DNAH12: variants seen among roughly 807,000 people sequenced by gnomAD.
The protein encoded by DNAH12 is axonemal beta dynein heavy chain 12.
DNAH12 carries 285 observed loss-of-function variants against 371.5 expected under a neutral mutation model. That is an observed-to-expected ratio of 0.77 (90% CI 0.70 to 0.85). The LOEUF (loss-of-function observed/expected upper bound fraction) is 0.85, where lower values mean the gene tolerates loss of function less well. DNAH12 is among the 40% of genes least tolerant of loss of function. The pLI is 0.00. For missense variants in DNAH12, 3,611 were observed against 3,689.4 expected, an observed-to-expected ratio of 0.98 and a Z score of 0.55; for synonymous variants, 1,200 against 1,213.0, an observed-to-expected ratio of 0.99 and a Z score of 0.22.
At chr3:57,506,572 G>T (rs779501225) in intron 8 of DNAH12, among the ~76,000 whole-genome samples, 3 of 152,094 alleles carry the variant, frequency 2.0e-5, no homozygotes, top group Middle Eastern at 3.2e-3. Context: ...CTCCTGAGTG[G>T]CTGAGATTAC....
At chr3:57,480,917 T>C (rs1280468404) in intron 13 of DNAH12, among the ~76,000 whole-genome samples, 1 of 152,122 alleles carries the variant, frequency 6.6e-6, no homozygotes, top group African/African-American at 2.4e-5. Context: ...ATGGGACGTA[T>C]CTCAAAATAA....
Position 57,314,494 on chromosome 3 carries a change from CT to C in DNAH12, c.10661del (p.Gln3554ArgfsTer18). ...AATGTTAATTTCTTGTTAATTTTAC[CT>C]GCAGTTGTCGGATACTGATGCGCAA... Reference protein sequence around the residue: ...SDLRISIRQLQLFINEYDTIP... With the variant: ...SDLRISIRQLXLFINEYDTIP... On this transcript the variant is annotated frameshift_variant and splice_region_variant, in exon 66 of 74. Coordinates refer to ENST00000495027, the MANE Select transcript of DNAH12 (RefSeq NM_001366028.2). LOFTEE classifies it high-confidence loss of function. The C allele has an allele frequency of 1.3e-6, 2 of 1,550,724 alleles. No individual in the cohort carries two copies. The highest frequency in any genetic ancestry group is 1.7e-6 in the Non-Finnish European group (2 of 1,146,748).
chr3:57,400,621 T>C lies in DNAH12; in HGVS notation c.6948+2688A>G, dbSNP rs1021114317. ...AATAAAGAGAACAATTATTACAACATACTGTAATAAAAGTTATGTGAATGT... is the reference window on the plus strand; with the variant it reads ...AATAAAGAGAACAATTATTACAACACACTGTAATAAAAGTTATGTGAATGT... On this transcript the variant is annotated intron_variant, in intron 43 of 73. Transcript: ENST00000495027. Among the ~76,000 whole-genome samples, 1,237 of 152,272 alleles carry C rather than the reference T, an allele frequency of 8.1e-3. 12 individuals carry two copies. The highest frequency in any genetic ancestry group is 0.028 in the African/African-American group (1,154 of 41,554).
chr3:57,322,415 A>G lies in DNAH12; in HGVS notation c.10452T>C (p.Asn3484=). ...TNEPPTGLRL[N]LLQSYLTDPV... is the part of the protein sequence containing the mutation. Reference sequence around the variant, plus strand: ...GATCAGTGAGATATGATTGAAGGAGATTCAGCCGAAGACCCGTGGGAGGTT... The same window carrying G: ...GATCAGTGAGATATGATTGAAGGAGGTTCAGCCGAAGACCCGTGGGAGGTT... The change falls in exon 65 of 74, where the codon AAT becomes AAC. Residue 3484 remains asparagine, a synonymous_variant. Transcript: ENST00000495027. 1 of 1,552,166 alleles carries G rather than the reference A, an allele frequency of 6.4e-7. No individual in the cohort carries two copies. Among genetic ancestry groups the G allele is most frequent in the Non-Finnish European group, 8.7e-7 (1 of 1,147,092 alleles).
intron 2 of DNAH12, among the ~76,000 whole-genome samples, chr3:57,533,461 T>TCAGA (rs992264351): frequency 2.0e-5 from 3 of 151,694 alleles, no homozygotes; most frequent in Non-Finnish European, 4.4e-5. Context: ...CTGGATAATT[T>TCAGA]CAGACAAGCC....
At chr3:57,399,075 A>C (rs940841329) in intron 43 of DNAH12, among the ~76,000 whole-genome samples, 1 of 152,236 alleles carries the variant, frequency 6.6e-6, no homozygotes, top group Non-Finnish European at 1.5e-5. Context: ...TTTGTATGCA[A>C]CTGAAGTTAG....
chr3:57,470,711 T>A, intron 15 of DNAH12, 75 bp from the exon 16 acceptor site: 1 of 1,208,546 alleles, frequency 8.3e-7, no homozygotes, highest in Non-Finnish European at 1.1e-6. Context: ...TGATACTGTG[T>A]ACAATATGTC....
At chr3:57,531,177 C>A (rs755093107) in intron 2 of DNAH12, among the ~76,000 whole-genome samples, 4 of 152,076 alleles carry the variant, frequency 2.6e-5, no homozygotes, top group Non-Finnish European at 4.4e-5. Flanking sequence ...GATTGAAGTA[C>A]CTTCTTTAGC....
At chr3:57,423,117 T>C (rs2064644033) in intron 35 of DNAH12, among the ~76,000 whole-genome samples, 1 of 152,198 alleles carries the variant, frequency 6.6e-6, no homozygotes, top group Non-Finnish European at 1.5e-5. Context: ...TGAATTTTAC[T>C]CTAGGTACAT....
At position 57,470,768 on chromosome 3, in the gene DNAH12, G is replaced by A. The variant is rs566092216; in HGVS notation, c.1912-132C>T. 37 of 777,816 alleles carry A rather than the reference G, an allele frequency of 4.8e-5. 1 individual carries two copies. In the South Asian group the frequency reaches 5.9e-4, roughly 12 times the overall value. 48.2% of individuals were successfully genotyped at this position (777,816 alleles called of 1,614,324 possible). ...TATTTTTAGGCTGGAGTGCAGTGGCGTGATCTGGGCTCACTGCAACCTCTG... is the reference window on the plus strand; with the variant it reads ...TATTTTTAGGCTGGAGTGCAGTGGCATGATCTGGGCTCACTGCAACCTCTG... On this transcript the variant is annotated intron_variant, in intron 15 of 73. Coordinates refer to ENST00000495027, the MANE Select transcript of DNAH12 (RefSeq NM_001366028.2).
At chr3:57,294,267 C>G (rs2061186045) in intron 73 of DNAH12, among the ~76,000 whole-genome samples, 1 of 150,906 alleles carries the variant, frequency 6.6e-6, no homozygotes, top group Non-Finnish European at 1.5e-5. Flanking sequence ...ACCTCTGCCT[C>G]CCAGGTTCAA....
intron 60 of DNAH12, among the ~76,000 whole-genome samples, chr3:57,341,788 A>G (rs9864483): frequency 0.32 from 48,699 of 151,908 alleles, 8,547 homozygotes; most frequent in African/African-American, 0.45. Flanking sequence ...TGGAACCACG[A>G]AAGACCGCAA....
chr3:57,493,911 TTAA>T (rs1401288116), intron 11 of DNAH12: 1 of 152,180 alleles, frequency 6.6e-6, no homozygotes, highest in Non-Finnish European at 1.5e-5. Context: ...AATATTATAC[TTAA>T]TGATGAAAAA....
At position 57,301,861 on chromosome 3, in the gene DNAH12, C is replaced by T; in HGVS notation, c.11268G>A (p.Leu3756=). 1.3e-6 allele frequency: 2 copies of T among 1,551,622 alleles called. No individual in the cohort carries two copies. The highest frequency in any genetic ancestry group is 1.7e-6 in the Non-Finnish European group (2 of 1,146,982). ...CAAGTAAGCTACCGGAGAGTGCCTC[C>T]AATGCAGAATCCATCACAACCACAC... ...IKGVVVMDSA[L]EALSGSLLVG... Residue 3756 remains leucine, a synonymous_variant, in exon 70 of 74, where the codon TTG becomes TTA. Coordinates refer to ENST00000495027, the MANE Select transcript of DNAH12 (RefSeq NM_001366028.2).
chr3:57,403,196 G>T, intron 43 of DNAH12, 113 bp downstream of exon 43: 1 of 1,070,122 alleles, frequency 9.3e-7, no homozygotes, highest in Non-Finnish European at 1.3e-6. Context: ...GACAGTATTA[G>T]CATCATCATC....
intron 4 of DNAH12, among the ~76,000 whole-genome samples, chr3:57,515,686 T>A (rs971485679): frequency 6.6e-6 from 1 of 152,012 alleles, no homozygotes; most frequent in Non-Finnish European, 1.5e-5. Flanking sequence ...TCCACACTGA[T>A]CTAAATGAAT....
At chr3:57,459,897 C>G in intron 19 of DNAH12, 111 bp from the exon 20 acceptor site, 1 of 959,898 alleles carries the variant, frequency 1.0e-6, no homozygotes, top group Non-Finnish European at 1.4e-6. Context: ...GTGCAAACAT[C>G]TCACAGCTTA....
At chr3:57,422,256 C>T (rs980385231) in intron 35 of DNAH12, among the ~76,000 whole-genome samples, 56 of 150,572 alleles carry the variant, frequency 3.7e-4, no homozygotes, top group Admixed American at 1.1e-3. Context: ...TTGAGACAGT[C>T]TCACTCTCTC....
chr3:57,381,653 C>T (rs2063393891), intron 50 of DNAH12, among the ~76,000 whole-genome samples: 1 of 151,978 alleles, frequency 6.6e-6, no homozygotes, highest in Non-Finnish European at 1.5e-5. Flanking sequence ...GGTCACACTG[C>T]TAGTGGGGTC....
Sources: gnomAD v4.1 joint callset for allele counts (sites outside exome capture counted in the v4.1 genomes callset) on GRCh38, gnomAD v4.1.1 for gene constraint, MANE v1.5 for transcripts, NCBI Gene and HGNC (gene_info 2026-07-23, HGNC 2026-07-21) for gene names.